COLGALT2: variants seen among roughly 807,000 people sequenced by gnomAD.
COLGALT2 encodes procollagen galactosyltransferase 2.
Under a neutral mutation model 73.4 loss-of-function variants are expected in COLGALT2, and 49 were observed. That is an observed-to-expected ratio of 0.67 (90% CI 0.53 to 0.85). The LOEUF is 0.85. Among genes scored for constraint, COLGALT2 ranks in the 40% least tolerant of loss-of-function variants. COLGALT2 has a pLI of 0.00. For synonymous variants in COLGALT2, 295 were observed against 307.6 expected, an observed-to-expected ratio of 0.96 and a Z score of 0.43; for missense variants, 722 against 790.2, an observed-to-expected ratio of 0.91 and a Z score of 1.03.
At position 183,975,353 on chromosome 1, in the gene COLGALT2, A is replaced by G. The variant is rs544735160; in HGVS notation, c.375-139T>C. ...TTATTATTGTTATCATCATCCCCAT[A>G]TTACAGATGAGGAAACCGGAGCAAT... On this transcript the variant is annotated intron_variant, in intron 2 of 11. Transcript: ENST00000361927. 1.0e-4 allele frequency: 60 copies of G among 576,940 alleles called. No homozygotes were observed. In the South Asian group the frequency reaches 1.4e-3, roughly 14 times the overall value. 35.7% of individuals were successfully genotyped at this position (576,940 alleles called of 1,614,324 possible).
intron 2 of COLGALT2, among the ~76,000 whole-genome samples, chr1:183,975,627 A>G (rs1671169008): frequency 6.6e-6 from 1 of 152,240 alleles, no homozygotes; most frequent in African/African-American, 2.4e-5. Flanking sequence ...ATAGATTTGG[A>G]GAGTATGCAG....
chr1:183,964,255 T>A, intron 5 of COLGALT2: 1 of 434,112 alleles, frequency 2.3e-6, no homozygotes, highest in East Asian at 3.5e-5. Context: ...GAAATTGATT[T>A]TTTCCCTCTG....
At chr1:183,976,666 G>T (rs1405262178) in intron 2 of COLGALT2, among the ~76,000 whole-genome samples, 1 of 152,114 alleles carries the variant, frequency 6.6e-6, no homozygotes, top group African/African-American at 2.4e-5. Flanking sequence ...ACATGGCTCT[G>T]AGGGGAGAGG....
intron 1 of COLGALT2, among the ~76,000 whole-genome samples, chr1:184,030,870 A>G (rs533032408): frequency 7.9e-5 from 12 of 152,362 alleles, no homozygotes; most frequent in Admixed American, 3.3e-4. Context: ...TCTAGAAATC[A>G]GTTATCTCAT....
chr1:183,965,644 A>G (rs1670846612), intron 5 of COLGALT2, among the ~76,000 whole-genome samples: 2 of 152,222 alleles, frequency 1.3e-5, no homozygotes, highest in South Asian at 4.1e-4. Context: ...TCCAGAACAG[A>G]CGTCTTCGCA....
At chr1:183,940,823 T>C (rs926637434) in intron 10 of COLGALT2, 36 bp from the exon 11 acceptor site, 10 of 1,544,080 alleles carry the variant, frequency 6.5e-6, no homozygotes, top group Non-Finnish European at 9.0e-6. Context: ...AATTCCACCT[T>C]GACTATTATG....
intron 1 of COLGALT2, among the ~76,000 whole-genome samples, chr1:184,001,205 C>A (rs887800530): frequency 6.6e-6 from 1 of 152,026 alleles, no homozygotes; most frequent in African/African-American, 2.4e-5. Context: ...CTATGTTGTT[C>A]TTTTTTGGTA....
chr1:183,962,916 G>A (rs1670754134), intron 6 of COLGALT2, among the ~76,000 whole-genome samples: 1 of 152,156 alleles, frequency 6.6e-6, no homozygotes, highest in Non-Finnish European at 1.5e-5. Context: ...GAGCCTCTTG[G>A]CGGGGCTCCT....
Position 183,963,931 on chromosome 1 carries a change from T to C in COLGALT2, c.922A>G (p.Asn308Asp). The C allele has an allele frequency of 6.2e-7, 1 of 1,611,850 alleles. No homozygotes were observed. The highest frequency in any genetic ancestry group is 8.5e-7 in the Non-Finnish European group (1 of 1,178,890). Residue 308 changes from asparagine to aspartate, a missense_variant, in exon 6 of 12, where the codon AAC (asparagine) becomes GAC (aspartate). By Grantham distance (23) the Asn-to-Asp change is conservative (BLOSUM62 1). Transcript: ENST00000361927. ...PHQTLQEDIE[N>D]LIHVQIEAMI... ...GCTTCAATCTGCACATGGATGAGGT[T>C]CTCGATGTCTTCCTGCAGTGTCTGA...
chr1:183,938,228 T>G lies in COLGALT2; in HGVS notation c.*533A>C. On this transcript the variant is annotated 3_prime_UTR_variant, in exon 12 of 12. Coordinates refer to ENST00000361927, the MANE Select transcript of COLGALT2 (RefSeq NM_015101.4). ...TTTTTTTAAAAAATCTACTTTTCAA[T>G]AAGACTTGTGACAGAATCCTTTAAA... is the stretch of plus-strand genomic sequence containing the variant. The G allele has an allele frequency of 1.0e-6, 1 of 976,244 alleles. No individual in the cohort carries two copies. Among genetic ancestry groups the G allele is most frequent in the South Asian group, 4.7e-5 (1 of 21,210 alleles). 60.5% of individuals were successfully genotyped at this position (976,244 alleles called of 1,614,324 possible).
At chr1:183,990,807 G>A (rs1671610606) in intron 1 of COLGALT2, among the ~76,000 whole-genome samples, 2 of 152,240 alleles carry the variant, frequency 1.3e-5, no homozygotes, top group African/African-American at 4.8e-5. Flanking sequence ...GCTGTAAGGT[G>A]TTAGGGCTGA....
chr1:183,936,698 C>G lies in COLGALT2; in HGVS notation c.*2063G>C. 1 of 1,229,720 alleles carries G rather than the reference C, an allele frequency of 8.1e-7. No individual in the cohort carries two copies. The highest frequency in any genetic ancestry group is 1.0e-6 in the Non-Finnish European group (1 of 987,286). 76.2% of individuals were successfully genotyped at this position (1,229,720 alleles called of 1,614,324 possible). On this transcript the variant is annotated 3_prime_UTR_variant, in exon 12 of 12. Transcript: ENST00000361927. ...ATACCCAAGGAAATCTTAGGAATCA[C>G]CTAAGGAATTTTCACTCGCTCCCCA...
rs138640537 is a variant in COLGALT2, at chr1:183,992,757, C to T, written c.264-14237G>A. Reference sequence around the variant, plus strand: ...TCTGGTGACTTTGGAAGGTAGGACACGGATACTGGGCTCTAGACTTCCAAG... The same window carrying T: ...TCTGGTGACTTTGGAAGGTAGGACATGGATACTGGGCTCTAGACTTCCAAG... On this transcript the variant is annotated intron_variant, in intron 1 of 11. Coordinates refer to ENST00000361927, the MANE Select transcript of COLGALT2 (RefSeq NM_015101.4). 2.9e-3 allele frequency among the ~76,000 whole-genome samples: 438 copies of T among 152,320 alleles called. 3 individuals are homozygous for T. The highest frequency in any genetic ancestry group is 9.7e-3 in the African/African-American group (403 of 41,568).
At chr1:183,947,150 A>C (rs1308347822) in intron 8 of COLGALT2, among the ~76,000 whole-genome samples, 1 of 152,234 alleles carries the variant, frequency 6.6e-6, no homozygotes, top group Non-Finnish European at 1.5e-5. Flanking sequence ...TTCAACAATA[A>C]TAGGGGAAGA....
intron 1 of COLGALT2, among the ~76,000 whole-genome samples, chr1:183,994,012 TTTCTCTTGTAA>T (rs1386591871): frequency 2.7e-5 from 4 of 149,592 alleles, no homozygotes; most frequent in Non-Finnish European, 5.9e-5. Flanking sequence ...TCACACTCAT[TTTCTCTTGTAA>T]TTCTTTTTTT....
chr1:183,968,256 A>G (rs546233639), intron 5 of COLGALT2, among the ~76,000 whole-genome samples: 1 of 152,342 alleles, frequency 6.6e-6, no homozygotes, highest in South Asian at 2.1e-4. Flanking sequence ...TTCTGTCAGG[A>G]AAGTCTGAAT....
At chr1:183,955,008 C>T (rs1020176268) in intron 6 of COLGALT2, among the ~76,000 whole-genome samples, 170 bp from the exon 7 acceptor site, 1 of 152,194 alleles carries the variant, frequency 6.6e-6, no homozygotes, top group Non-Finnish European at 1.5e-5. Context: ...CCCTGCTGGT[C>T]AGGGCACTGG....
At chr1:183,991,372 T>G (rs1671624325) in intron 1 of COLGALT2, among the ~76,000 whole-genome samples, 1 of 152,224 alleles carries the variant, frequency 6.6e-6, no homozygotes, top group African/African-American at 2.4e-5. Context: ...CATCACACTT[T>G]TCTCTGCTAC....
Position 183,944,209 on chromosome 1 carries a change from C to A in COLGALT2, c.1384G>T (p.Asp462Tyr). Residue 462 changes from aspartate (D) to tyrosine (Y), a missense_variant, in exon 10 of 12, where the codon GAC (aspartate) becomes TAC (tyrosine). Coordinates refer to ENST00000361927, the MANE Select transcript of COLGALT2 (RefSeq NM_015101.4). The stretch of plus-strand genomic sequence containing the variant: ...CTTGTCACTCACATCAGTTCCCAGT[C>A]CAGCTGAGCCTGGTCAATGTTATCC... ...LMDNIDQAQL[D>Y]WELIYIGRKR... 1 of 1,612,666 alleles carries A rather than the reference C, an allele frequency of 6.2e-7. No homozygotes were observed. Among genetic ancestry groups the A allele is most frequent in the South Asian group, 1.1e-5 (1 of 90,680 alleles).
Sources: allele counts gnomAD v4.1 joint callset (sites outside exome capture counted in the v4.1 genomes callset), GRCh38; gene constraint gnomAD v4.1.1; transcripts MANE v1.5; gene names NCBI Gene and HGNC (gene_info 2026-07-23, HGNC 2026-07-21).